The following SYS1 variants were observed in gnomAD, a reference collection of about 807,000 sequenced individuals.
The protein encoded by SYS1 is SYS1 golgi trafficking protein, also known as protein SYS1 homolog.
In SYS1, 8 loss-of-function variants were observed where a neutral mutation model predicts 17.8. That is an observed-to-expected ratio of 0.45 (90% CI 0.26 to 0.81). The LOEUF (loss-of-function observed/expected upper bound fraction) is 0.81, where lower values mean the gene tolerates loss of function less well. Ranked by LOEUF, SYS1 falls within the 40% of genes least tolerant of loss-of-function variation. The probability of loss-of-function intolerance (pLI) is 0.16; values close to 1 mark genes in which losing one functional copy is unlikely to be tolerated. For missense variants in SYS1, 161 were observed against 203.9 expected (o/e 0.79, Z 1.28); for synonymous variants, 95 against 90.9 (o/e 1.05, Z -0.26).
At chr20:45,363,400 T>C in intron 1 of SYS1, 85 bp downstream of exon 1, 1 of 1,442,168 alleles carries the variant, frequency 6.9e-7, no homozygotes, top group South Asian at 1.4e-5. Flanking sequence ...TGAGAATGGG[T>C]CTGTCTGCCC....
chr20:45,364,086 G>A (rs1374534638), intron 2 of SYS1, among the ~76,000 whole-genome samples: 2 of 152,188 alleles, frequency 1.3e-5, no homozygotes, highest in African/African-American at 2.4e-5. Context: ...ACAGGCGTCC[G>A]TTTAAGATCC....
rs781269723 is a variant in SYS1, at chr20:45,375,497, C to T, written c.*1203C>T. 50 of 1,604,638 alleles carry T rather than the reference C, an allele frequency of 3.1e-5. No homozygotes were observed. Among genetic ancestry groups the T allele is most frequent in the Middle Eastern group, 1.7e-4 (1 of 6,052 alleles). Reference sequence around the variant, plus strand: ...GACTTGAGTTCCTTCTCGGAGCACCCGATCTCCTGGAACTCTTCATTATTT... The same window carrying T: ...GACTTGAGTTCCTTCTCGGAGCACCTGATCTCCTGGAACTCTTCATTATTT... On this transcript the variant is annotated 3_prime_UTR_variant, in exon 4 of 4. Coordinates refer to the SYS1 transcript ENST00000426004.
At chr20:45,373,639 G>C (rs1555870278), downstream of SYS1, 1 of 493,780 alleles carries the variant, frequency 2.0e-6, no homozygotes, top group Non-Finnish European at 3.7e-6. Context: ...GGGCGATTGT[G>C]AGGCACTTTG....
intron 2 of SYS1, chr20:45,365,160 G>C (rs1356001399): frequency 3.7e-6 from 1 of 270,990 alleles, no homozygotes; most frequent in African/African-American, 2.2e-5. Context: ...TTCCTTTAAG[G>C]GTGAAGTAGT....
chr20:45,376,355 A>G (rs1483612279), exon 4 of SYS1: 1 of 152,246 alleles, frequency 6.6e-6, no homozygotes, highest in Admixed American at 6.5e-5. Context: ...TACTGTGATG[A>G]TAATAATGGC....
At chr20:45,375,537 G>A (rs1229821181) in exon 4 of SYS1, 9 of 1,608,246 alleles carry the variant, frequency 5.6e-6, no homozygotes, top group Non-Finnish European at 7.6e-6. Flanking sequence ...TTGTTTTATT[G>A]CAGGCACTGT....
In SYS1 at chr20:45,367,879, C is replaced by G. The variant is rs143014984; in HGVS notation, c.*764C>G. On this transcript the variant is annotated 3_prime_UTR_variant, in exon 4 of 4. Transcript: ENST00000243918. Reference sequence around the variant, plus strand: ...ACACTGCCTGTCTTCTAGGAATGACCAGGCACCCAGCTCCCACTGGACTCC... The same window carrying G: ...ACACTGCCTGTCTTCTAGGAATGACGAGGCACCCAGCTCCCACTGGACTCC... The G allele has an allele frequency of 5.1e-4, 507 of 985,834 alleles. 2 individuals are homozygous for G. In the African/African-American group the frequency reaches 8.2e-3, roughly 16 times the overall value. The allele number at this position is 985,834 out of a possible 1,614,324, so 61.1% of individuals were successfully genotyped here.
chr20:45,368,940 T>C lies in SYS1; in HGVS notation c.*1825T>C. On this transcript the variant is annotated 3_prime_UTR_variant, in exon 4 of 4. Coordinates refer to ENST00000243918, the MANE Select transcript of SYS1 (RefSeq NM_033542.4). Reference sequence around the variant, plus strand: ...AAGGTCTTGTGCCTATTTTTCTGCATATCTTCTGTGATGACAAATCTCTGT... The same window carrying C: ...AAGGTCTTGTGCCTATTTTTCTGCACATCTTCTGTGATGACAAATCTCTGT... 2.2e-6 allele frequency: 2 copies of C among 918,992 alleles called. No homozygotes were observed. Among genetic ancestry groups the C allele is most frequent in the Non-Finnish European group, 2.6e-6 (2 of 769,080 alleles). 56.9% of individuals were successfully genotyped at this position (918,992 alleles called of 1,614,324 possible).
At chr20:45,363,492 C>A in intron 1 of SYS1, 37 bp from the exon 2 acceptor site, 1 of 1,557,506 alleles carries the variant, frequency 6.4e-7, no homozygotes, top group Non-Finnish European at 8.7e-7. Context: ...GCCATGGAGA[C>A]AGGCCGCTGG....
In SYS1 at chr20:45,367,256, G is replaced by A; in HGVS notation, c.*141G>A. On this transcript the variant is annotated 3_prime_UTR_variant, in exon 4 of 4. Coordinates refer to ENST00000243918, the MANE Select transcript of SYS1 (RefSeq NM_033542.4). ...TCTGTTGGTTTGGGAGAGATAGTGA[G>A]GGCCTGTCAAAGAAGGCAGGTAGCA... 8 of 1,475,308 alleles carry A rather than the reference G, an allele frequency of 5.4e-6. No individual in the cohort carries two copies. Among genetic ancestry groups the A allele is most frequent in the Non-Finnish European group, 6.3e-6 (7 of 1,116,168 alleles). 91.4% of individuals were successfully genotyped at this position (1,475,308 alleles called of 1,614,324 possible).
exon 4 of SYS1, chr20:45,375,075 G>T: frequency 6.2e-7 from 1 of 1,614,034 alleles, no homozygotes. Flanking sequence ...CAAGTGATGC[G>T]GAGCAGAAGC....
chr20:45,376,089 A>G (rs1432222873), exon 4 of SYS1: 1 of 152,492 alleles, frequency 6.6e-6, no homozygotes, highest in African/African-American at 2.4e-5. Flanking sequence ...CCATACAAAA[A>G]AAAAATTTTT....
chr20:45,376,043 C>A (rs1988721782), exon 4 of SYS1: 1 of 154,264 alleles, frequency 6.5e-6, no homozygotes, highest in South Asian at 2.0e-4. Flanking sequence ...GAAAACTGTT[C>A]AAGACCAGCC....
At position 45,368,863 on chromosome 20, in the gene SYS1, G is replaced by A. The variant is rs928950387; in HGVS notation, c.*1748G>A. ...TGGCTGCTGTCACCCTTGACCAGCC[G>A]TGGTGGTGGTTACTCCATCTGTGGT... On this transcript the variant is annotated 3_prime_UTR_variant, in exon 4 of 4. Coordinates refer to ENST00000243918, the MANE Select transcript of SYS1 (RefSeq NM_033542.4). The A allele has an allele frequency of 5.1e-6, 5 of 984,792 alleles. No individual in the cohort carries two copies. The highest frequency in any genetic ancestry group is 4.7e-5 in the South Asian group (1 of 21,282). The allele number at this position is 984,792 out of a possible 1,614,324, so 61.0% of individuals were successfully genotyped here.
At chr20:45,372,908 G>A (rs964593070), downstream of SYS1, 2 of 147,958 alleles carry the variant, frequency 1.4e-5, no homozygotes, top group African/African-American at 2.5e-5. Context: ...TAATGGTGGG[G>A]AGGAGTGTGT....
downstream of SYS1, among the ~76,000 whole-genome samples, chr20:45,370,329 G>A (rs1252312581): frequency 6.6e-6 from 1 of 152,138 alleles, no homozygotes; most frequent in Admixed American, 6.5e-5. Context: ...TACTGAGTTG[G>A]CATATCTCTT....
At chr20:45,362,367 ATTTATT>A (rs1988250772), upstream of SYS1, among the ~76,000 whole-genome samples, 2 of 151,578 alleles carry the variant, frequency 1.3e-5, no homozygotes, top group African/African-American at 4.9e-5. Flanking sequence ...TTATTTATTT[ATTTATT>A]TATTTATTTA....
upstream of SYS1, chr20:45,362,116 T>C (rs538874769): frequency 1.6e-4 from 118 of 750,582 alleles, no homozygotes; most frequent in African/African-American, 1.1e-3. Context: ...ATTTGGAAGA[T>C]AGATAAAACA....
chr20:45,363,470 C>T, intron 1 of SYS1, 59 bp from the exon 2 acceptor site: 1 of 1,522,930 alleles, frequency 6.6e-7, no homozygotes. Context: ...TCCTCCCGGG[C>T]GGGGCGACGT....
Sources: gnomAD v4.1 joint callset for allele counts (sites outside exome capture counted in the v4.1 genomes callset) on GRCh38, gnomAD v4.1.1 for gene constraint, MANE v1.5 for transcripts, NCBI Gene and HGNC (gene_info 2026-07-23, HGNC 2026-07-21) for gene names.